Variants in ADGRB1 observed in about 807,000 individuals in gnomAD.
ADGRB1 encodes the protein adhesion G protein-coupled receptor B1.
Under a neutral mutation model 175.7 loss-of-function variants are expected in ADGRB1, and 36 were observed. That is an observed-to-expected ratio of 0.20 (90% confidence interval 0.16 to 0.27). ADGRB1 has a LOEUF of 0.27. Among genes scored for constraint, ADGRB1 ranks in the 10% least tolerant of loss-of-function variants. ADGRB1 has a pLI of 1.00. For missense variants in ADGRB1, 1,731 were observed against 2,255.3 expected, an observed-to-expected ratio of 0.77 and a Z score of 4.71; for synonymous variants, 1,054 against 979.4, an observed-to-expected ratio of 1.08 and a Z score of -1.42.
chr8:142,479,938 C>T (rs577847548), intron 9 of ADGRB1, 144 bp downstream of exon 9: 117 of 881,450 alleles, frequency 1.3e-4, no homozygotes, highest in Middle Eastern at 3.5e-4. Flanking sequence ...GTGGTGGGGC[C>T]GCGAGCCCAG....
Position 142,542,014 on chromosome 8 carries a change from G to A in ADGRB1, c.3780G>A (p.Glu1260=), listed in dbSNP as rs764898975. 28 of 1,604,522 alleles carry A rather than the reference G, an allele frequency of 1.7e-5. No homozygotes were observed. In the South Asian group the frequency reaches 2.6e-4, roughly 15 times the overall value. ...CACTGAAGCGGCCGTCTCTGCCCGA[G>A]GAGGAGAAGCTGAAGCTGGCCCATG... ...TGTLKRPSLP[E]EEKLKLAHAK... Residue 1260 remains glutamate, a synonymous_variant, in exon 28 of 31, where the codon GAG becomes GAA. Transcript: ENST00000517894. The surrounding 1 kb of genome is among the most constrained non-coding windows in gnomAD (Gnocchi z 6.3).
rs1844977788 is a variant in ADGRB1 at position 142,537,112 on chromosome 8, G to A, written c.3666+30G>A. On this transcript the variant is annotated intron_variant, in intron 26 of 30. Coordinates refer to ENST00000517894, the MANE Select transcript of ADGRB1 (RefSeq NM_001702.3). The surrounding 1 kb of genome is among the most constrained non-coding windows in gnomAD (Gnocchi z 4.6). ...GACTCAGGGCCCGGGGACTCAGGCT[G>A]CCCTACCTGCCTCGTACCCCCGCCA... The A allele has an allele frequency of 7.0e-7, 1 of 1,428,752 alleles. No individual in the cohort carries two copies. Among genetic ancestry groups the A allele is most frequent in the Non-Finnish European group, 9.2e-7 (1 of 1,085,260 alleles). 88.5% of individuals were successfully genotyped at this position (1,428,752 alleles called of 1,614,324 possible). A position where few individuals can be genotyped will look rare whatever the true frequency, so the allele number is the denominator to read the frequency against.
chr8:142,478,336 G>A lies in ADGRB1; in HGVS notation c.1537G>A (p.Asp513Asn). The change falls in exon 7 of 31, where the codon GAC (aspartate) becomes AAC (asparagine). Residue 513 changes from aspartate (D) to asparagine (N), a missense_variant. By Grantham distance (23) the Asp-to-Asn change is conservative. Transcript: ENST00000517894. ...ECQGHWVETRDCFLQQCPVDG... is the reference protein window; with the variant it reads ...ECQGHWVETRNCFLQQCPVDG... ...CCAGGGCCACTGGGTGGAGACCCGA[G>A]ACTGCTTCCTGCAGCAGTGCCCAGG... 6.2e-7 allele frequency: 1 copy of A among 1,608,170 alleles called. No individual in the cohort carries two copies. Among genetic ancestry groups the A allele is most frequent in the Non-Finnish European group, 8.5e-7 (1 of 1,177,780 alleles).
intron 2 of ADGRB1, among the ~76,000 whole-genome samples, chr8:142,468,818 A>G (rs554576260): frequency 2.6e-5 from 4 of 152,344 alleles, no homozygotes; most frequent in Admixed American, 1.3e-4. Context: ...GTCTCTGCAC[A>G]CATGTGTCAC....
At chr8:142,509,760 G>A (rs1842987855) in intron 17 of ADGRB1, among the ~76,000 whole-genome samples, 1 of 152,222 alleles carries the variant, frequency 6.6e-6, no homozygotes, top group Non-Finnish European at 1.5e-5. Context: ...CTTTTCAGCC[G>A]TGGGTTCAGA....
chr8:142,495,247 G>A (rs560482537), intron 17 of ADGRB1, among the ~76,000 whole-genome samples: 9 of 152,190 alleles, frequency 5.9e-5, no homozygotes, highest in East Asian at 3.9e-4. Flanking sequence ...GGGAGGCAGC[G>A]GAAGAACAGT....
intron 1 of ADGRB1, among the ~76,000 whole-genome samples, chr8:142,459,215 C>T (rs1241168683): frequency 1.3e-5 from 2 of 152,316 alleles, no homozygotes; most frequent in East Asian, 3.9e-4. Context: ...GAAAAGCCTG[C>T]TGGGGAAATC....
intron 1 of ADGRB1, among the ~76,000 whole-genome samples, chr8:142,456,553 T>C (rs1051339671): frequency 6.6e-5 from 10 of 151,952 alleles, no homozygotes; most frequent in African/African-American, 2.4e-4. Flanking sequence ...CCTGCACAGC[T>C]TTCACCTGCA....
chr8:142,530,013 C>T lies in ADGRB1; in HGVS notation c.3399-3282C>T, dbSNP rs182752971. On this transcript the variant is annotated intron_variant, in intron 24 of 30. Transcript: ENST00000517894. ...GTGTGTGTGAGCGCAACCTGCTGTG[C>T]GTATGTGTGAGCGTGCATCTCTGTG... 4.0e-3 allele frequency among the ~76,000 whole-genome samples: 481 copies of T among 120,244 alleles called. 2 individuals are homozygous for T. The highest frequency in any genetic ancestry group is 6.2e-3 in the Non-Finnish European group (353 of 57,216). The allele number at this position is 120,244 out of a possible 152,430, so 78.9% of individuals were successfully genotyped here.
At chr8:142,478,085 G>A (rs1169230157) in intron 6 of ADGRB1, 102 bp from the exon 7 acceptor site, 2 of 1,463,508 alleles carry the variant, frequency 1.4e-6, no homozygotes, top group South Asian at 1.3e-5. Context: ...GTCCCAGGCT[G>A]GGTGTGGGGT....
intron 26 of ADGRB1, among the ~76,000 whole-genome samples, chr8:142,539,055 G>A (rs546783210): frequency 6.6e-6 from 1 of 152,312 alleles, no homozygotes; most frequent in Admixed American, 6.5e-5. Context: ...AAAACACTCA[G>A]ATGCATTCTC....
chr8:142,495,506 G>A (rs931751778), intron 17 of ADGRB1, among the ~76,000 whole-genome samples: 4 of 152,156 alleles, frequency 2.6e-5, no homozygotes, highest in Non-Finnish European at 5.9e-5. Context: ...CAGTTCTGGA[G>A]GCCAGAATCT....
At chr8:142,460,654 C>G (rs80052749) in intron 1 of ADGRB1, among the ~76,000 whole-genome samples, 2 of 152,164 alleles carry the variant, frequency 1.3e-5, no homozygotes, top group Non-Finnish European at 2.9e-5. Context: ...GACAGTCTGC[C>G]GAGGCCCCAG....
intron 23 of ADGRB1, 102 bp downstream of exon 23, chr8:142,524,406 G>A: frequency 1.6e-6 from 2 of 1,290,036 alleles, no homozygotes; most frequent in South Asian, 1.4e-5. Flanking sequence ...TGCACCTGCT[G>A]TCCCTTCAGG....
intron 13 of ADGRB1, among the ~76,000 whole-genome samples, chr8:142,486,012 T>A (rs1841650259): frequency 6.6e-6 from 1 of 152,056 alleles, no homozygotes; most frequent in South Asian, 2.1e-4. Flanking sequence ...ACCCTCGCCC[T>A]CCCAAAGGCC....
intron 25 of ADGRB1, among the ~76,000 whole-genome samples, chr8:142,536,089 G>A (rs1844906693): frequency 6.6e-6 from 1 of 152,060 alleles, no homozygotes; most frequent in Non-Finnish European, 1.5e-5. Flanking sequence ...ACAGGTCTGT[G>A]GTTGAGTGGG....
chr8:142,516,257 C>T (rs149704990), intron 18 of ADGRB1, among the ~76,000 whole-genome samples: 40 of 121,254 alleles, frequency 3.3e-4, no homozygotes, highest in Middle Eastern at 7.2e-3. Flanking sequence ...GCCCCAGGTG[C>T]GTGCGTCTGT....
At chr8:142,452,780 A>AC (rs1282195425) in intron 1 of ADGRB1, among the ~76,000 whole-genome samples, 3 of 149,928 alleles carry the variant, frequency 2.0e-5, no homozygotes, top group Non-Finnish European at 4.5e-5. Context: ...GGTCGGCCCG[A>AC]CCCCGCCTCC....
Position 142,543,288 on chromosome 8 carries a change from C to A in ADGRB1, c.4414-115C>A. 1.4e-6 allele frequency: 2 copies of A among 1,399,298 alleles called. No homozygotes were observed. The highest frequency in any genetic ancestry group is 1.3e-5 in the South Asian group (1 of 78,664). 86.7% of individuals were successfully genotyped at this position (1,399,298 alleles called of 1,614,324 possible). On this transcript the variant is annotated intron_variant, in intron 28 of 30. Coordinates refer to ENST00000517894, the MANE Select transcript of ADGRB1 (RefSeq NM_001702.3). The surrounding 1 kb of genome is among the most constrained non-coding windows in gnomAD (Gnocchi z 4.4). ...GCATGTCCCCTGGGTCTGGCCTGGT[C>A]CCTGAAGGCAGGCATGGGGCGAGTG...
Sources: gnomAD v4.1 joint callset for allele counts (sites outside exome capture counted in the v4.1 genomes callset) on GRCh38, gnomAD v4.1.1 for gene constraint, Gnocchi (gnomAD v3.1) non-coding constraint, MANE v1.5 for transcripts, NCBI Gene and HGNC (gene_info 2026-07-23, HGNC 2026-07-21) for gene names.